Variants in ACTR3B observed in about 807,000 individuals in gnomAD.
The protein encoded by ACTR3B is actin-related protein 3B.
Under a neutral mutation model 59.0 loss-of-function variants are expected in ACTR3B, and 8 were observed. The observed-to-expected ratio is 0.14, with a 90% CI of 0.08 to 0.24. The LOEUF is 0.24. ACTR3B is among the 10% of genes least tolerant of loss of function. ACTR3B has a pLI of 1.00. For missense variants in ACTR3B, 245 were observed against 552.3 expected, an observed-to-expected ratio of 0.44 and a Z score of 5.58; for synonymous variants, 148 against 197.9, an observed-to-expected ratio of 0.75 and a Z score of 2.12.
chr7:152,829,774 C>T (rs1796877600), intron 9 of ACTR3B, among the ~76,000 whole-genome samples: 1 of 152,178 alleles, frequency 6.6e-6, no homozygotes, highest in African/African-American at 2.4e-5. Flanking sequence ...CCGCCATCAG[C>T]GCCAGCCCAC....
At chr7:152,794,364 C>T (rs1367926017) in intron 2 of ACTR3B, among the ~76,000 whole-genome samples, 2 of 152,038 alleles carry the variant, frequency 1.3e-5, no homozygotes, top group Admixed American at 1.3e-4. Flanking sequence ...ACTACAGGTG[C>T]GCACCACCAT....
chr7:152,768,914 C>T (rs994186321), intron 1 of ACTR3B, among the ~76,000 whole-genome samples: 2 of 150,294 alleles, frequency 1.3e-5, no homozygotes, highest in African/African-American at 4.9e-5. Context: ...AGTGCAGTGG[C>T]GTGATGTCGG....
At chr7:152,853,454 C>T (rs775428508) in intron 10 of ACTR3B, 40 bp from the exon 11 acceptor site, 272 of 1,586,090 alleles carry the variant, frequency 1.7e-4, no homozygotes, top group Non-Finnish European at 2.3e-4. Context: ...TCACATGTGT[C>T]TGTGGGTGTG....
intron 1 of ACTR3B, among the ~76,000 whole-genome samples, chr7:152,771,428 T>G (rs11971412): frequency 0.014 from 2,142 of 152,236 alleles, 57 homozygotes; most frequent in African/African-American, 0.049. Flanking sequence ...TTTCAGGAAT[T>G]AAAAGCATGT....
chr7:152,826,513 T>C (rs1796586568), intron 9 of ACTR3B, among the ~76,000 whole-genome samples: 1 of 152,222 alleles, frequency 6.6e-6, no homozygotes, highest in Non-Finnish European at 1.5e-5. Context: ...ACTTGTCTAA[T>C]ACAAAGTACA....
chr7:152,845,450 C>T (rs1242111157), intron 9 of ACTR3B, among the ~76,000 whole-genome samples: 1 of 152,232 alleles, frequency 6.6e-6, no homozygotes, highest in Non-Finnish European at 1.5e-5. Context: ...CTGTCTGTGG[C>T]CACGCTGATG....
At chr7:152,764,947 TAA>T (rs1465390947) in intron 1 of ACTR3B, among the ~76,000 whole-genome samples, 2 of 152,160 alleles carry the variant, frequency 1.3e-5, no homozygotes, top group African/African-American at 4.8e-5. Flanking sequence ...ACACACCGGG[TAA>T]TTTATAAAGA....
In ACTR3B at chr7:152,852,263, A is replaced by G. The variant is rs369637549; in HGVS notation, c.1077+12A>G. 3.1e-6 allele frequency: 5 copies of G among 1,602,500 alleles called. No individual in the cohort carries two copies. Among genetic ancestry groups the G allele is most frequent in the Non-Finnish European group, 2.6e-6 (3 of 1,175,322 alleles). Reference sequence around the variant, plus strand: ...GCGGGAGGATCAAGGTAGGAGCCAGAGGCCTCCACGCAGTGCCTGGGGCTA... The same window carrying G: ...GCGGGAGGATCAAGGTAGGAGCCAGGGGCCTCCACGCAGTGCCTGGGGCTA... On this transcript the variant is annotated intron_variant, in intron 10 of 11. Transcript: ENST00000256001.
At position 152,832,377 on chromosome 7, in the gene ACTR3B, A is replaced by G. The variant is rs2462088; in HGVS notation, c.951+7255A>G. Among the ~76,000 whole-genome samples the G allele has an allele frequency of 4.6e-5, 7 of 152,318 alleles. 1 individual carries two copies. The highest frequency in any genetic ancestry group is 1.4e-4 in the African/African-American group (6 of 41,566). ...GGACCAAAGGTGTGCTCACAGAAAT[A>G]AAAGGTCTGCAAATGGATGTCACCA... On this transcript the variant is annotated intron_variant, in intron 9 of 11. Coordinates refer to ENST00000256001, the MANE Select transcript of ACTR3B (RefSeq NM_020445.6).
intron 6 of ACTR3B, among the ~76,000 whole-genome samples, chr7:152,817,453 G>A (rs1202513248): frequency 2.0e-5 from 3 of 152,070 alleles, no homozygotes; most frequent in Non-Finnish European, 4.4e-5. Flanking sequence ...CTGCAATGCC[G>A]CTTTTTGGTT....
intron 1 of ACTR3B, among the ~76,000 whole-genome samples, chr7:152,767,334 TGTTGA>T (rs2075289037): frequency 6.6e-6 from 1 of 152,204 alleles, no homozygotes; most frequent in South Asian, 2.1e-4. Context: ...TTTTGTATTG[TGTTGA>T]GTTAGTCTAT....
intron 9 of ACTR3B, among the ~76,000 whole-genome samples, chr7:152,851,702 T>C (rs1798819795): frequency 6.6e-6 from 1 of 152,152 alleles, no homozygotes; most frequent in Admixed American, 6.5e-5. Flanking sequence ...CTTCCCAAGA[T>C]TGTCCTTCTG....
chr7:152,814,734 A>T (rs905703992), intron 5 of ACTR3B, 89 bp downstream of exon 5: 1 of 1,032,830 alleles, frequency 9.7e-7, no homozygotes, highest in African/African-American at 1.6e-5. Flanking sequence ...CCGCTGGAAG[A>T]CTGCGCTGTG....
chr7:152,774,683 CAGAA>C (rs1395092744), intron 1 of ACTR3B, among the ~76,000 whole-genome samples: 3 of 151,812 alleles, frequency 2.0e-5, no homozygotes, highest in Non-Finnish European at 4.4e-5. Flanking sequence ...AAAAAGTACT[CAGAA>C]GGAGAAATAG....
chr7:152,776,668 A>C (rs1393619998), intron 1 of ACTR3B, among the ~76,000 whole-genome samples: 3 of 152,272 alleles, frequency 2.0e-5, no homozygotes, highest in South Asian at 4.1e-4. Flanking sequence ...AATATTATCC[A>C]AAAATGGCAA....
intron 6 of ACTR3B, among the ~76,000 whole-genome samples, chr7:152,819,932 A>C (rs1796015331): frequency 6.6e-6 from 1 of 152,244 alleles, no homozygotes; most frequent in Non-Finnish European, 1.5e-5. Flanking sequence ...TTTATAAATA[A>C]AACTTTTTCC....
chr7:152,809,091 G>C (rs904847758), intron 4 of ACTR3B, among the ~76,000 whole-genome samples: 1 of 151,510 alleles, frequency 6.6e-6, no homozygotes, highest in East Asian at 1.9e-4. Flanking sequence ...TCCTCAGCCC[G>C]AGTAGGCGCA....
intron 7 of ACTR3B, among the ~76,000 whole-genome samples, chr7:152,821,520 A>C (rs1341357420): frequency 6.6e-6 from 1 of 150,984 alleles, no homozygotes; most frequent in Non-Finnish European, 1.5e-5. Context: ...CCCAGGGTCC[A>C]CTCCAGTGAG....
chr7:152,763,413 A>G (rs529619311), intron 1 of ACTR3B, among the ~76,000 whole-genome samples: 10 of 148,276 alleles, frequency 6.7e-5, no homozygotes, highest in Non-Finnish European at 1.3e-4. Context: ...TTAAGTATCC[A>G]TTGGTGACTC....
Sources: gnomAD v4.1 joint callset for allele counts (sites outside exome capture counted in the v4.1 genomes callset) on GRCh38, gnomAD v4.1.1 for gene constraint, MANE v1.5 for transcripts, NCBI Gene and HGNC (gene_info 2026-07-23, HGNC 2026-07-21) for gene names.